Variants in PHF12 observed in about 807,000 individuals in gnomAD.
PHF12 encodes PHD finger protein 12.
A neutral mutation model predicts 99.8 loss-of-function variants in PHF12; 6 were observed. That is an observed-to-expected ratio of 0.06 (90% CI 0.03 to 0.12). The LOEUF (loss-of-function observed/expected upper bound fraction) is 0.12, where lower values mean the gene tolerates loss of function less well. PHF12 is among the 10% of genes least tolerant of loss of function. The probability of loss-of-function intolerance (pLI) is 1.00; values close to 1 mark genes in which losing one functional copy is unlikely to be tolerated. For missense variants in PHF12, 954 were observed against 1,300.1 expected (o/e 0.73, Z 4.09); for synonymous variants, 480 against 514.9 (o/e 0.93, Z 0.92).
chr17:28,911,174 G>T lies in PHF12; in HGVS notation c.2153C>A (p.Ala718Asp). 6.2e-7 allele frequency: 1 copy of T among 1,614,212 alleles called. No homozygotes were observed. Among genetic ancestry groups the T allele is most frequent in the African/African-American group, 1.3e-5 (1 of 75,044 alleles). Residue 718 changes from alanine (A) to aspartate (D), a missense_variant, in exon 10 of 15, where the codon GCC becomes GAC. By Grantham distance (126) the Ala-to-Asp change is moderately radical. Coordinates refer to ENST00000332830, the MANE Select transcript of PHF12 (RefSeq NM_001033561.2). Reference protein sequence around the residue: ...GSALTVPSFPANSTAMVDLTN... With the variant: ...GSALTVPSFPDNSTAMVDLTN... ...GAGGTCCACCATGGCAGTAGAGTTGGCTGGGAAAGAGGGTACGGTTAAAGC... is the reference window on the plus strand; with the variant it reads ...GAGGTCCACCATGGCAGTAGAGTTGTCTGGGAAAGAGGGTACGGTTAAAGC...
intron 2 of PHF12, among the ~76,000 whole-genome samples, chr17:28,929,032 G>A (rs1023496661): frequency 6.6e-6 from 1 of 151,584 alleles, no homozygotes; most frequent in African/African-American, 2.4e-5. Flanking sequence ...GGAAGTGGAG[G>A]TTGCAGTGAG....
intron 2 of PHF12, chr17:28,927,794 A>G (rs2040311213): frequency 6.6e-6 from 1 of 152,238 alleles, no homozygotes; most frequent in Non-Finnish European, 1.5e-5. Flanking sequence ...GAGAGAGGAC[A>G]TGGAGGAGAC....
intron 5 of PHF12, among the ~76,000 whole-genome samples, chr17:28,920,069 T>C (rs572290975): frequency 1.3e-5 from 2 of 152,246 alleles, no homozygotes; most frequent in Non-Finnish European, 1.5e-5. Context: ...GAACTGACAA[T>C]TAGAGGTGTG....
At chr17:28,925,845 A>G (rs2040263012) in intron 3 of PHF12, 1 of 152,238 alleles carries the variant, frequency 6.6e-6, no homozygotes, top group Admixed American at 6.5e-5. Context: ...GGGCACTAAC[A>G]TAATATTTCC....
At chr17:28,921,538 C>G in intron 5 of PHF12, 150 bp downstream of exon 5, 1 of 1,009,986 alleles carries the variant, frequency 9.9e-7, no homozygotes, top group Non-Finnish European at 1.4e-6. Context: ...ATTCAAGGCT[C>G]TCGTCAGTCC....
At chr17:28,938,784 T>A (rs2040557174) in intron 2 of PHF12, among the ~76,000 whole-genome samples, 1 of 152,182 alleles carries the variant, frequency 6.6e-6, no homozygotes, top group Admixed American at 6.5e-5. Context: ...AACTGTGCTG[T>A]CATGGTTTGA....
chr17:28,919,076 C>G (rs1239095999), intron 6 of PHF12, 67 bp downstream of exon 6: 14 of 1,516,228 alleles, frequency 9.2e-6, no homozygotes, highest in Admixed American at 4.0e-5. Context: ...CCTTAATATG[C>G]TTTCTGCTAA....
chr17:28,946,986 T>C (rs1354625432), intron 2 of PHF12, among the ~76,000 whole-genome samples: 4 of 148,222 alleles, frequency 2.7e-5, no homozygotes, highest in Non-Finnish European at 5.9e-5. Flanking sequence ...ATAGGACAAT[T>C]TTTTTTTTTT....
Position 28,951,228 on chromosome 17 carries a change from C to G in PHF12, c.-268G>C, listed in dbSNP as rs2040806134. On this transcript the variant is annotated 5_prime_UTR_variant, in exon 1 of 15. Coordinates refer to ENST00000332830, the MANE Select transcript of PHF12 (RefSeq NM_001033561.2). The stretch of plus-strand genomic sequence containing the variant: ...TGGGTCCCGGCTCCGGGGGTCAGGC[C>G]TCGGCGGGGCCTAGTCCCACAGGCT... 7.5e-7 allele frequency: 1 copy of G among 1,341,874 alleles called. No individual in the cohort carries two copies. Among genetic ancestry groups the G allele is most frequent in the Non-Finnish European group, 9.6e-7 (1 of 1,045,928 alleles). The allele number at this position is 1,341,874 out of a possible 1,614,324, so 83.1% of individuals were successfully genotyped here.
rs965112972 is a variant in PHF12, at chr17:28,951,084, T to G, written c.-124A>C. The G allele has an allele frequency of 8.0e-6, 12 of 1,491,378 alleles. No individual in the cohort carries two copies. Among genetic ancestry groups the G allele is most frequent in the Non-Finnish European group, 9.8e-6 (11 of 1,118,174 alleles). 92.4% of individuals were successfully genotyped at this position (1,491,378 alleles called of 1,614,324 possible). A position where few individuals can be genotyped will look rare whatever the true frequency, so the allele number is the denominator to read the frequency against. Reference sequence around the variant, plus strand: ...CTTTTTTCCCAATACGGGTCCCGACTTCCTCGCCCTGGCTCCCCCCCACCC... The same window carrying G: ...CTTTTTTCCCAATACGGGTCCCGACGTCCTCGCCCTGGCTCCCCCCCACCC... On this transcript the variant is annotated 5_prime_UTR_variant, in exon 1 of 15. Transcript: ENST00000332830.
Position 28,951,333 on chromosome 17 carries a change from G to A in PHF12, c.-373C>T. 1 of 1,051,452 alleles carries A rather than the reference G, an allele frequency of 9.5e-7. No individual in the cohort carries two copies. The highest frequency in any genetic ancestry group is 1.2e-6 in the Non-Finnish European group (1 of 869,058). The allele number at this position is 1,051,452 out of a possible 1,614,324, so 65.1% of individuals were successfully genotyped here. Reference sequence around the variant, plus strand: ...TCCCGGGGCTGGGGGTATCGGAGGGGGGGTGAGAGGTTACGTGAGGTTGTG... The same window carrying A: ...TCCCGGGGCTGGGGGTATCGGAGGGAGGGTGAGAGGTTACGTGAGGTTGTG... On this transcript the variant is annotated 5_prime_UTR_variant, in exon 1 of 15. Coordinates refer to ENST00000332830, the MANE Select transcript of PHF12 (RefSeq NM_001033561.2).
intron 6 of PHF12, among the ~76,000 whole-genome samples, 187 bp from the exon 7 acceptor site, chr17:28,917,636 T>G (rs752379046): frequency 2.0e-5 from 3 of 152,160 alleles, no homozygotes; most frequent in Non-Finnish European, 2.9e-5. Context: ...TACTCAGCCC[T>G]GCCCAGTCCA....
At chr17:28,919,540 A>C (rs1004101397) in intron 5 of PHF12, among the ~76,000 whole-genome samples, 8 of 152,002 alleles carry the variant, frequency 5.3e-5, no homozygotes, top group Non-Finnish European at 1.2e-4. Flanking sequence ...TGAGACTGAG[A>C]CTAGCCTGAC....
intron 2 of PHF12, among the ~76,000 whole-genome samples, chr17:28,942,887 C>A (rs1484692497): frequency 1.3e-5 from 2 of 151,732 alleles, no homozygotes; most frequent in Non-Finnish European, 2.9e-5. Flanking sequence ...AGACAACCCA[C>A]AAAATGGAAG....
chr17:28,906,065 T>G lies in PHF12; in HGVS notation c.*118A>C. On this transcript the variant is annotated 3_prime_UTR_variant, in exon 15 of 15. Coordinates refer to ENST00000332830, the MANE Select transcript of PHF12 (RefSeq NM_001033561.2). The surrounding 1 kb of genome is among the most constrained non-coding windows in gnomAD (Gnocchi z 4.2). Reference sequence around the variant, plus strand: ...AGGTTTTCTTCATTTCATGCAAAGATTGTAGTTGAAGGGTTTCTGGTAGAG... The same window carrying G: ...AGGTTTTCTTCATTTCATGCAAAGAGTGTAGTTGAAGGGTTTCTGGTAGAG... 7 of 942,870 alleles carry G rather than the reference T, an allele frequency of 7.4e-6. No individual in the cohort carries two copies. Among genetic ancestry groups the G allele is most frequent in the South Asian group, 2.1e-5 (1 of 48,620 alleles). 58.4% of individuals were successfully genotyped at this position (942,870 alleles called of 1,614,324 possible).
chr17:28,910,344 C>T lies in PHF12; in HGVS notation c.2241G>A (p.Glu747=), dbSNP rs765332944. The T allele has an allele frequency of 5.0e-6, 8 of 1,613,288 alleles. No homozygotes were observed. Among genetic ancestry groups the T allele is most frequent in the Non-Finnish European group, 6.8e-6 (8 of 1,179,504 alleles). ...NGEIEINMLD[E]KLIKFLALQR... ...GCAAGGCCAGAAACTTGATCAGCTT[C>T]TCGTCCAGCATATTTATCTCGATTT... is the stretch of plus-strand genomic sequence containing the variant. Residue 747 remains glutamate, a synonymous_variant, in exon 11 of 15, where the codon GAG becomes GAA. Transcript: ENST00000332830.
Position 28,921,674 on chromosome 17 carries a change from A to G in PHF12, c.836+14T>C, listed in dbSNP as rs764588077. ...AAATAATGAGAAAGAGCCCCTTAGT[A>G]TGAAAGAAAATACCTGTTACACGTG... On this transcript the variant is annotated intron_variant, in intron 5 of 14. Transcript: ENST00000332830. The G allele has an allele frequency of 1.9e-6, 3 of 1,613,404 alleles. No individual in the cohort carries two copies. The highest frequency in any genetic ancestry group is 2.5e-6 in the Non-Finnish European group (3 of 1,179,498).
At chr17:28,924,585 C>CGT (rs1167831227) in intron 3 of PHF12, 10 of 484,070 alleles carry the variant, frequency 2.1e-5, no homozygotes, top group Non-Finnish European at 3.4e-5. Flanking sequence ...GTATGACATA[C>CGT]AACATCTATA....
At chr17:28,922,806 C>T (rs964540297) in intron 4 of PHF12, among the ~76,000 whole-genome samples, 6 of 152,090 alleles carry the variant, frequency 3.9e-5, no homozygotes, top group African/African-American at 1.2e-4. Context: ...GAAGGCCAGG[C>T]GCAGTGGCTC....
Sources: gnomAD v4.1 joint callset for allele counts (sites outside exome capture counted in the v4.1 genomes callset) on GRCh38, gnomAD v4.1.1 for gene constraint, Gnocchi (gnomAD v3.1) non-coding constraint, MANE v1.5 for transcripts, NCBI Gene and HGNC (gene_info 2026-07-23, HGNC 2026-07-21) for gene names.